The following ZC3H12B variants were observed in gnomAD, a reference collection of about 807,000 sequenced individuals.
ZC3H12B encodes zinc finger CCCH-type containing 12B, also known as probable ribonuclease ZC3H12B.
Under a neutral mutation model 43.9 loss-of-function variants are expected in ZC3H12B, and 7 were observed. That is an observed-to-expected ratio of 0.16 (90% CI 0.09 to 0.30). The LOEUF is 0.30. Ranked by LOEUF, ZC3H12B falls within the 10% of genes least tolerant of loss-of-function variation. The probability of loss-of-function intolerance (pLI) is 1.00; values close to 1 mark genes in which losing one functional copy is unlikely to be tolerated. For synonymous variants in ZC3H12B, 222 were observed against 241.7 expected (o/e 0.92, Z 0.76); for missense variants, 475 against 670.2 (o/e 0.71, Z 3.22).
chrX:65,244,349 G>GA, the ZC3H12B span, among the ~76,000 whole-genome samples: 1 of 110,952 alleles, frequency 9.0e-6, no homozygotes, highest in African/African-American at 3.3e-5. Context: ...AATATCGTGA[G>GA]AATTACCGAA....
At chrX:65,176,002 T>A in the ZC3H12B span, among the ~76,000 whole-genome samples, 2 of 112,031 alleles carry the variant, frequency 1.8e-5, no homozygotes, top group Admixed American at 1.9e-4. Flanking sequence ...GCATTTTTTT[T>A]CATGCCCCAG....
At chrX:65,292,471 T>G in the ZC3H12B span, among the ~76,000 whole-genome samples, 1 of 110,607 alleles carries the variant, frequency 9.0e-6, no homozygotes, top group Non-Finnish European at 1.9e-5. Context: ...CACTGGGGCT[T>G]ACTGGAGGGT....
At chrX:65,479,117 A>G (rs1469083283) in intron 3 of ZC3H12B, among the ~76,000 whole-genome samples, 2 of 111,709 alleles carry the variant, frequency 1.8e-5, no homozygotes, top group Admixed American at 9.6e-5. Context: ...GACAGGTCAG[A>G]TAATAATAAT....
At chrX:65,438,279 T>C (rs2067247697) in intron 3 of ZC3H12B, among the ~76,000 whole-genome samples, 1 of 112,125 alleles carries the variant, frequency 8.9e-6, no homozygotes, top group Non-Finnish European at 1.9e-5. Flanking sequence ...GATACTTTGA[T>C]AGGGATTGCA....
In ZC3H12B at chrX:65,379,825, G is replaced by A. The variant is rs193282517; in HGVS notation, n.295+10827G>A. Among the ~76,000 whole-genome samples, 3 of 112,421 alleles carry A rather than the reference G, an allele frequency of 2.7e-5. No homozygotes were observed. The Admixed American group carries it at 2.8e-4, about 11-fold the overall frequency. On this transcript the variant is annotated intron_variant and non_coding_transcript_variant, in intron 2 of 5. Coordinates refer to the ZC3H12B transcript ENST00000617377. ...CGTGAAGAATGCAGAAGCCTCAGGA[G>A]CCGATGTGATCAACTGGAAGAAAGG...
At chrX:65,123,393 G>T in the ZC3H12B span, among the ~76,000 whole-genome samples, 45 of 110,567 alleles carry the variant, frequency 4.1e-4, no homozygotes, top group Admixed American at 2.8e-3. Context: ...TTCTCTTTTT[G>T]TGTGTGTGTG....
chrX:65,377,790 G>A (rs760711174), intron 2 of ZC3H12B, among the ~76,000 whole-genome samples: 21 of 111,663 alleles, frequency 1.9e-4, no homozygotes, highest in East Asian at 8.5e-4. Flanking sequence ...AAGAAAGTAC[G>A]TTAGTGAGCA....
the ZC3H12B span, among the ~76,000 whole-genome samples, chrX:65,142,864 A>G: frequency 8.9e-6 from 1 of 112,006 alleles, no homozygotes; most frequent in African/African-American, 3.2e-5. Flanking sequence ...CTGTGTGCCT[A>G]TTTTTATACC....
At chrX:65,053,499 A>G in the ZC3H12B span, among the ~76,000 whole-genome samples, 2 of 111,172 alleles carry the variant, frequency 1.8e-5, no homozygotes, top group East Asian at 2.8e-4. Flanking sequence ...TCTTAATCCA[A>G]TCTATCATTG....
exon 5 of ZC3H12B, chrX:65,507,505 C>CTAT (rs751339933): frequency 2.7e-5 from 3 of 112,522 alleles, no homozygotes; most frequent in African/African-American, 9.7e-5. Flanking sequence ...CATAGATTGA[C>CTAT]TATTTTTAGT....
At chrX:65,239,437 A>T in the ZC3H12B span, among the ~76,000 whole-genome samples, 1 of 104,499 alleles carries the variant, frequency 9.6e-6, no homozygotes. Context: ...TTTTTCCTCC[A>T]TCCCTTTATT....
chrX:65,290,525 G>T, the ZC3H12B span, among the ~76,000 whole-genome samples: 17 of 111,278 alleles, frequency 1.5e-4, no homozygotes, highest in Admixed American at 6.7e-4. Flanking sequence ...CAAAGGAAAA[G>T]ATATCAATAT....
At chrX:65,468,900 C>T (rs777029823) in intron 3 of ZC3H12B, among the ~76,000 whole-genome samples, 1 of 108,974 alleles carries the variant, frequency 9.2e-6, no homozygotes, top group African/African-American at 3.3e-5. Context: ...TTAACAACAT[C>T]CTAAAACTCC....
At chrX:65,455,572 A>T (rs978660484) in intron 3 of ZC3H12B, among the ~76,000 whole-genome samples, 5 of 112,235 alleles carry the variant, frequency 4.5e-5, no homozygotes, top group African/African-American at 1.6e-4. Flanking sequence ...TATCCAGGAG[A>T]AATTCCCCAA....
At chrX:65,050,989 A>G in the ZC3H12B span, among the ~76,000 whole-genome samples, 1 of 111,463 alleles carries the variant, frequency 9.0e-6, no homozygotes, top group African/African-American at 3.2e-5. Flanking sequence ...GAAGACTTTA[A>G]GAAGGATTAT....
At chrX:65,251,514 A>G in the ZC3H12B span, among the ~76,000 whole-genome samples, 456 of 111,592 alleles carry the variant, frequency 4.1e-3, 2 homozygotes, top group Non-Finnish European at 3.6e-3. Context: ...CATTGAATCT[A>G]TAAATTACCT....
chrX:65,276,521 C>A, the ZC3H12B span, among the ~76,000 whole-genome samples: 1 of 110,882 alleles, frequency 9.0e-6, no homozygotes, highest in Admixed American at 9.6e-5. Flanking sequence ...CTTTACAGGC[C>A]AGGATAAAGT....
At chrX:65,095,846 C>T in the ZC3H12B span, among the ~76,000 whole-genome samples, 1,184 of 110,768 alleles carry the variant, frequency 0.011, 6 homozygotes, top group Non-Finnish European at 0.017. Context: ...TGCAGGGGGC[C>T]ATGCTCATTA....
chrX:65,502,956 A>T, exon 5 of ZC3H12B: 3 of 1,211,707 alleles, frequency 2.5e-6, no homozygotes, highest in Non-Finnish European at 3.4e-6. Flanking sequence ...AGCCTCATGC[A>T]ACCATGTTAT....
Sources: gnomAD v4.1 joint callset for allele counts (sites outside exome capture counted in the v4.1 genomes callset) on GRCh38, gnomAD v4.1.1 for gene constraint, MANE v1.5 for transcripts, NCBI Gene and HGNC (gene_info 2026-07-23, HGNC 2026-07-21) for gene names.